FRMD6: variants seen among roughly 807,000 people sequenced by gnomAD.
FRMD6 encodes the protein FERM domain-containing protein 6.
A neutral mutation model predicts 73.2 loss-of-function variants in FRMD6; 37 were observed. The observed-to-expected ratio is 0.51, with a 90% CI of 0.39 to 0.66. FRMD6 has a LOEUF of 0.66. FRMD6 is among the 30% of genes least tolerant of loss of function. The pLI is 0.00. For synonymous variants in FRMD6, 273 were observed against 282.2 expected (o/e 0.97, Z 0.33); for missense variants, 714 against 780.5 (o/e 0.91, Z 1.02).
chr14:51,647,960 G>C (rs113433040), upstream of FRMD6, among the ~76,000 whole-genome samples: 5,671 of 152,102 alleles, frequency 0.037, 118 homozygotes, highest in Middle Eastern at 0.071. Context: ...TGAGTAGCTG[G>C]GATTACCGGC....
the FRMD6 span, among the ~76,000 whole-genome samples, chr14:51,445,523 T>C: frequency 1.2e-4 from 19 of 152,038 alleles, no homozygotes; most frequent in Non-Finnish European, 2.8e-4. Flanking sequence ...AGTTATACAA[T>C]GTTAAAGCTA....
chr14:51,430,857 A>G, the FRMD6 span, among the ~76,000 whole-genome samples: 2 of 152,196 alleles, frequency 1.3e-5, no homozygotes, highest in Non-Finnish European at 2.9e-5. Context: ...AATGCTTGGG[A>G]TGCTTCTTAT....
the FRMD6 span, among the ~76,000 whole-genome samples, chr14:51,448,503 T>G: frequency 1.3e-5 from 2 of 152,242 alleles, no homozygotes; most frequent in African/African-American, 4.8e-5. Flanking sequence ...ATGAATTTGT[T>G]GGCATGTCTG....
At chr14:51,666,441 G>T (rs1398934227) in intron 1 of FRMD6, among the ~76,000 whole-genome samples, 4 of 152,148 alleles carry the variant, frequency 2.6e-5, no homozygotes, top group African/African-American at 9.7e-5. Context: ...AGGAAATTCA[G>T]ATTTAAATAA....
At chr14:51,510,863 C>T (rs1022792636) in intron 1 of FRMD6, among the ~76,000 whole-genome samples, 1 of 152,214 alleles carries the variant, frequency 6.6e-6, no homozygotes, top group Admixed American at 6.5e-5. Flanking sequence ...GTTTTATCCA[C>T]TTAATTGTTT....
intron 1 of FRMD6, among the ~76,000 whole-genome samples, chr14:51,516,715 CTTAT>C (rs1301174482): frequency 1.3e-5 from 2 of 152,106 alleles, no homozygotes; most frequent in African/African-American, 2.4e-5. Context: ...TAAAACTCAG[CTTAT>C]TTATTTATTT....
chr14:51,545,756 C>T (rs1210455215), intron 1 of FRMD6, among the ~76,000 whole-genome samples: 1 of 152,116 alleles, frequency 6.6e-6, no homozygotes, highest in Non-Finnish European at 1.5e-5. Flanking sequence ...ATAAATGCAG[C>T]CAACTCTCAA....
chr14:51,585,725 A>G (rs1888988181), intron 2 of FRMD6, among the ~76,000 whole-genome samples: 1 of 151,310 alleles, frequency 6.6e-6, no homozygotes, highest in Non-Finnish European at 1.5e-5. Context: ...CTCACCTTTC[A>G]TAGTCTCCAA....
At chr14:51,495,269 A>T (rs78343152) in intron 1 of FRMD6, among the ~76,000 whole-genome samples, 3 of 152,202 alleles carry the variant, frequency 2.0e-5, no homozygotes, top group Admixed American at 2.0e-4. Context: ...CTTCATATCC[A>T]TATTTCACCA....
the FRMD6 span, among the ~76,000 whole-genome samples, chr14:51,470,683 T>A: frequency 6.6e-6 from 1 of 152,370 alleles, no homozygotes; most frequent in East Asian, 1.9e-4. Context: ...TTAGCTGAAT[T>A]CCACAAATTT....
intron 1 of FRMD6, among the ~76,000 whole-genome samples, chr14:51,529,497 C>T (rs1885459335): frequency 1.3e-5 from 2 of 152,178 alleles, no homozygotes; most frequent in Non-Finnish European, 2.9e-5. Context: ...AGCACAACTA[C>T]TATTGTTCAG....
chr14:51,528,832 C>T (rs1885411925), intron 1 of FRMD6, among the ~76,000 whole-genome samples: 1 of 152,194 alleles, frequency 6.6e-6, no homozygotes, highest in Non-Finnish European at 1.5e-5. Context: ...GCCAGTGCAT[C>T]AAAGAGCTCC....
At chr14:51,643,799 G>C (rs1041987245) in intron 2 of FRMD6, 2 of 152,170 alleles carry the variant, frequency 1.3e-5, no homozygotes, top group African/African-American at 2.4e-5. Flanking sequence ...TGGAGGCAAG[G>C]CCACACATTT....
At chr14:51,603,228 G>GA (rs1378440013) in intron 2 of FRMD6, among the ~76,000 whole-genome samples, 2 of 147,586 alleles carry the variant, frequency 1.4e-5, no homozygotes, top group African/African-American at 2.5e-5. Context: ...AGAACTATAG[G>GA]AAAAAAATTT....
chr14:51,708,842 A>C (rs189943294), intron 7 of FRMD6, among the ~76,000 whole-genome samples: 1 of 152,310 alleles, frequency 6.6e-6, no homozygotes, highest in East Asian at 1.9e-4. Context: ...GATTTAGTCA[A>C]GGCCTTCTTG....
chr14:51,535,030 AG>A (rs1420328771), intron 1 of FRMD6, among the ~76,000 whole-genome samples: 1 of 152,178 alleles, frequency 6.6e-6, no homozygotes. Flanking sequence ...CCCCACCAAA[AG>A]TGAACTACTC....
At chr14:51,680,251 A>G (rs762675797) in intron 1 of FRMD6, among the ~76,000 whole-genome samples, 15 of 152,118 alleles carry the variant, frequency 9.9e-5, no homozygotes, top group Non-Finnish European at 2.2e-4. Flanking sequence ...TAGGGCCCTT[A>G]TCTGTATTAC....
intron 1 of FRMD6, among the ~76,000 whole-genome samples, chr14:51,563,517 A>G (rs1887597631): frequency 6.6e-6 from 1 of 152,098 alleles, no homozygotes; most frequent in Non-Finnish European, 1.5e-5. Context: ...TAAAAATCCA[A>G]AAATTAACTG....
rs1898087893 is a variant in FRMD6 at position 51,728,120 on chromosome 14, T to G, written c.*91T>G. The stretch of plus-strand genomic sequence containing the variant: ...CTTTACATATTACTTGTGCCATATC[T>G]TCTTCACCCTAAACATAGCTCTTTC... On this transcript the variant is annotated 3_prime_UTR_variant, in exon 14 of 14. Transcript: ENST00000344768. 1 of 1,162,482 alleles carries G rather than the reference T, an allele frequency of 8.6e-7. No individual in the cohort carries two copies. Among genetic ancestry groups the G allele is most frequent in the Non-Finnish European group, 1.2e-6 (1 of 826,212 alleles). 72.0% of individuals were successfully genotyped at this position (1,162,482 alleles called of 1,614,324 possible).
Sources: gnomAD v4.1 joint callset for allele counts (sites outside exome capture counted in the v4.1 genomes callset) on GRCh38, gnomAD v4.1.1 for gene constraint, MANE v1.5 for transcripts, NCBI Gene and HGNC (gene_info 2026-07-23, HGNC 2026-07-21) for gene names.